The following IQCM variants were observed in gnomAD, a reference collection of about 807,000 sequenced individuals.
IQCM encodes IQ domain-containing protein M.
Under a neutral mutation model 57.6 loss-of-function variants are expected in IQCM, and 45 were observed. The ratio of observed to expected loss-of-function variants is 0.78; its 90% CI spans 0.62 to 1.00. The LOEUF (loss-of-function observed/expected upper bound fraction) is 1.00, where lower values mean the gene tolerates loss of function less well. IQCM is among the 50% of genes least tolerant of loss of function. The probability of loss-of-function intolerance (pLI) is 0.00; values close to 1 mark genes in which losing one functional copy is unlikely to be tolerated. For synonymous variants in IQCM, 148 were observed against 158.9 expected (o/e 0.93, Z 0.51); for missense variants, 468 against 511.6 (o/e 0.91, Z 0.82).
At chr4:149,730,511 A>G (rs1484569137) in intron 5 of IQCM, among the ~76,000 whole-genome samples, 1 of 152,106 alleles carries the variant, frequency 6.6e-6, no homozygotes, top group Non-Finnish European at 1.5e-5. Context: ...TCACTCCCCA[A>G]TCCTCATGTT....
chr4:149,752,115 C>G (rs1768505561), intron 2 of IQCM, among the ~76,000 whole-genome samples: 3 of 151,820 alleles, frequency 2.0e-5, no homozygotes, highest in African/African-American at 7.3e-5. Flanking sequence ...CCCAAGAAAG[C>G]AAATATTGTC....
intron 2 of IQCM, among the ~76,000 whole-genome samples, chr4:149,812,357 G>A (rs751211301): frequency 5.9e-5 from 9 of 151,942 alleles, no homozygotes; most frequent in Non-Finnish European, 1.3e-4. Context: ...AGAAATATAT[G>A]ATATAGCTCT....
chr4:149,652,447 G>A (rs906563671), intron 7 of IQCM, among the ~76,000 whole-genome samples: 6 of 151,710 alleles, frequency 4.0e-5, no homozygotes, highest in Non-Finnish European at 5.9e-5. Flanking sequence ...ATGTATCCCA[G>A]AACTTAAAGT....
chr4:149,662,216 C>A (rs1292884092), intron 7 of IQCM, among the ~76,000 whole-genome samples: 1 of 151,922 alleles, frequency 6.6e-6, no homozygotes, highest in African/African-American at 2.4e-5. Flanking sequence ...TATTTAGGAG[C>A]GTGTTGACTA....
At chr4:149,552,599 G>T (rs1009886426) in intron 11 of IQCM, among the ~76,000 whole-genome samples, 1 of 151,950 alleles carries the variant, frequency 6.6e-6, no homozygotes, top group Non-Finnish European at 1.5e-5. Flanking sequence ...CTATTATTCT[G>T]GTATATACAA....
chr4:149,785,882 C>T (rs532904721), intron 2 of IQCM, among the ~76,000 whole-genome samples: 1 of 151,834 alleles, frequency 6.6e-6, no homozygotes, highest in South Asian at 2.1e-4. Flanking sequence ...TGAATTTGGC[C>T]TGCTTGATGT....
chr4:149,444,047 T>C (rs1736248220), intron 12 of IQCM, among the ~76,000 whole-genome samples: 1 of 151,902 alleles, frequency 6.6e-6, no homozygotes, highest in Admixed American at 6.6e-5. Context: ...TAATTCCTGA[T>C]AAAGCTAAAT....
At chr4:149,436,343 C>G (rs929463430) in intron 12 of IQCM, among the ~76,000 whole-genome samples, 1 of 152,130 alleles carries the variant, frequency 6.6e-6, no homozygotes, top group South Asian at 2.1e-4. Context: ...CTGCCACTTT[C>G]TCCCACTAGC....
chr4:149,546,051 G>A (rs927577575), intron 12 of IQCM, among the ~76,000 whole-genome samples: 8 of 152,082 alleles, frequency 5.3e-5, no homozygotes, highest in African/African-American at 1.7e-4. Context: ...TCCCACCTAT[G>A]AGTGAGAACA....
chr4:149,608,959 A>T (rs1237925585), intron 8 of IQCM, among the ~76,000 whole-genome samples: 2 of 151,736 alleles, frequency 1.3e-5, no homozygotes, highest in African/African-American at 4.8e-5. Flanking sequence ...AACCAAAAAG[A>T]TGGTATCTTA....
intron 7 of IQCM, among the ~76,000 whole-genome samples, chr4:149,677,887 T>C (rs886288339): frequency 2.0e-5 from 3 of 151,904 alleles, no homozygotes; most frequent in South Asian, 2.1e-4. Flanking sequence ...ATATATTTGC[T>C]GAACTGAAAA....
intron 2 of IQCM, among the ~76,000 whole-genome samples, chr4:149,763,355 AT>A: frequency 6.6e-6 from 1 of 152,110 alleles, no homozygotes; most frequent in East Asian, 1.9e-4. Context: ...ACAGAGTATT[AT>A]TTTTTTGCAT....
At chr4:149,638,223 C>T (rs1376714703) in intron 7 of IQCM, among the ~76,000 whole-genome samples, 1 of 152,102 alleles carries the variant, frequency 6.6e-6, no homozygotes, top group South Asian at 2.1e-4. Flanking sequence ...TAAAATAAAA[C>T]CCCAATGGGT....
intron 5 of IQCM, among the ~76,000 whole-genome samples, chr4:149,700,412 C>T (rs1763680258): frequency 6.6e-6 from 1 of 151,882 alleles, no homozygotes; most frequent in Admixed American, 6.6e-5. Context: ...CACCCCCCCA[C>T]ACATACACAC....
chr4:149,745,320 G>A (rs557344273), intron 2 of IQCM, among the ~76,000 whole-genome samples: 3 of 152,286 alleles, frequency 2.0e-5, no homozygotes, highest in Non-Finnish European at 4.4e-5. Flanking sequence ...CATAACCAAC[G>A]TTCTAGAATG....
intron 13 of IQCM, among the ~76,000 whole-genome samples, chr4:149,433,162 T>C (rs548951453): frequency 6.6e-6 from 1 of 152,088 alleles, no homozygotes; most frequent in East Asian, 1.9e-4. Context: ...CAACCCAAAT[T>C]TCCATTAACT....
intron 5 of IQCM, among the ~76,000 whole-genome samples, chr4:149,730,017 C>A (rs539447235): frequency 6.6e-6 from 1 of 152,240 alleles, no homozygotes; most frequent in South Asian, 2.1e-4. Flanking sequence ...TAATGAATTT[C>A]CCAACTTCTT....
At chr4:149,751,693 T>A (rs535351457) in intron 2 of IQCM, among the ~76,000 whole-genome samples, 1 of 152,350 alleles carries the variant, frequency 6.6e-6, no homozygotes, top group Non-Finnish European at 1.5e-5. Context: ...CAGTAAGTAC[T>A]CATTTCCATA....
intron 5 of IQCM, among the ~76,000 whole-genome samples, chr4:149,729,499 G>A (rs1230124267): frequency 6.7e-6 from 1 of 150,302 alleles, no homozygotes; most frequent in Admixed American, 6.6e-5. Flanking sequence ...TTTTTGAAAT[G>A]GAGTCTCACT....
Sources: gnomAD v4.1 joint callset for allele counts (sites outside exome capture counted in the v4.1 genomes callset) on GRCh38, gnomAD v4.1.1 for gene constraint, MANE v1.5 for transcripts, NCBI Gene and HGNC (gene_info 2026-07-23, HGNC 2026-07-21) for gene names.